Variants in CDH23 observed in about 807,000 individuals in gnomAD.
CDH23 encodes cadherin-23.
CDH23 carries 189 observed loss-of-function variants against 317.1 expected under a neutral mutation model. The ratio of observed to expected loss-of-function variants is 0.60; its 90% CI spans 0.53 to 0.67. The LOEUF (loss-of-function observed/expected upper bound fraction) is 0.67. Among genes scored for constraint, CDH23 ranks in the 30% least tolerant of loss-of-function variants. The probability of loss-of-function intolerance (pLI) is 0.00; values close to 1 mark genes in which losing one functional copy is unlikely to be tolerated. For synonymous variants in CDH23, 1,839 were observed against 1,876.8 expected (o/e 0.98, Z 0.52); for missense variants, 4,401 against 4,592.4 (o/e 0.96, Z 1.20).
intron 28 of CDH23, chr10:71,713,201 G>A (rs370181056): frequency 1.3e-6 from 1 of 779,266 alleles, no homozygotes; most frequent in South Asian, 1.3e-5. Context: ...CTTTCACAGA[G>A]CCCTTGGCCG....
At chr10:71,507,226 GT>G (rs1327614143) in intron 3 of CDH23, among the ~76,000 whole-genome samples, 3 of 152,170 alleles carry the variant, frequency 2.0e-5, no homozygotes, top group Non-Finnish European at 4.4e-5. Context: ...ATGGGCCTCA[GT>G]TTCCCCATCT....
At chr10:71,465,645 T>A (rs1334037169) in intron 3 of CDH23, among the ~76,000 whole-genome samples, 1 of 152,244 alleles carries the variant, frequency 6.6e-6, no homozygotes, top group Non-Finnish European at 1.5e-5. Flanking sequence ...GCTGTTTACC[T>A]GACGCTGTTC....
At chr10:71,719,126 T>C (rs554990572) in intron 28 of CDH23, among the ~76,000 whole-genome samples, 1 of 152,090 alleles carries the variant, frequency 6.6e-6, no homozygotes, top group African/African-American at 2.4e-5. Flanking sequence ...AATTAGCATC[T>C]GAGTAGTTCC....
At chr10:71,435,867 C>T (rs1230062977) in intron 1 of CDH23, among the ~76,000 whole-genome samples, 1 of 152,252 alleles carries the variant, frequency 6.6e-6, no homozygotes, top group Non-Finnish European at 1.5e-5. Context: ...GGAATGCCAG[C>T]AGGCAAAGCA....
At chr10:71,602,193 T>C (rs1489059956) in intron 9 of CDH23, among the ~76,000 whole-genome samples, 2 of 148,844 alleles carry the variant, frequency 1.3e-5, no homozygotes, top group Admixed American at 1.3e-4. Flanking sequence ...GATTTGAAAG[T>C]CATTCACTCT....
chr10:71,716,469 C>T (rs1866247165), intron 28 of CDH23: 3 of 708,186 alleles, frequency 4.2e-6, no homozygotes, highest in South Asian at 2.0e-5. Context: ...GCATCATGGC[C>T]ACATCACAGG....
intron 51 of CDH23, 39 bp from the exon 52 acceptor site, chr10:71,799,453 A>T: frequency 6.2e-7 from 1 of 1,613,562 alleles, no homozygotes; most frequent in Non-Finnish European, 8.5e-7. Context: ...TCTGGGACTG[A>T]CCTTGGCCTA....
chr10:71,494,368 G>A (rs965384339), intron 3 of CDH23, among the ~76,000 whole-genome samples: 6 of 152,140 alleles, frequency 3.9e-5, no homozygotes, highest in African/African-American at 1.4e-4. Context: ...CTCCAGCAGA[G>A]GGAAGGCCTT....
In CDH23 at chr10:71,515,038, C is replaced by T. The variant is rs139230862; in HGVS notation, c.429+3826C>T. Among the ~76,000 whole-genome samples the T allele has an allele frequency of 5.6e-3, 859 of 152,336 alleles. 10 individuals are homozygous for T. Among genetic ancestry groups the T allele is most frequent in the African/African-American group, 0.02 (811 of 41,580 alleles). On this transcript the variant is annotated intron_variant, in intron 6 of 69. Transcript: ENST00000224721. Reference sequence around the variant, plus strand: ...CCTGCTCCTCCCAGGGCCACCCCCTCAGCCCTCCAGTGTGCCCCAGGGAGG... The same window carrying T: ...CCTGCTCCTCCCAGGGCCACCCCCTTAGCCCTCCAGTGTGCCCCAGGGAGG...
At chr10:71,488,707 C>T (rs1435957502) in intron 3 of CDH23, among the ~76,000 whole-genome samples, 1 of 152,230 alleles carries the variant, frequency 6.6e-6, no homozygotes, top group Non-Finnish European at 1.5e-5. Flanking sequence ...TTAAACGGGA[C>T]ATATGTGCCC....
At chr10:71,796,071 C>T (rs565365631) in intron 48 of CDH23, 3 of 984,162 alleles carry the variant, frequency 3.0e-6, no homozygotes, top group African/African-American at 1.7e-5. Context: ...GAGGAGGAGG[C>T]GGCCCAGGGT....
At chr10:71,567,616 G>T (rs576136855) in intron 7 of CDH23, among the ~76,000 whole-genome samples, 1 of 152,362 alleles carries the variant, frequency 6.6e-6, no homozygotes, top group South Asian at 2.1e-4. Flanking sequence ...TCAGTCCAGT[G>T]CCCTGACCAC....
chr10:71,778,417 G>A, intron 40 of CDH23, 109 bp downstream of exon 40: 6 of 1,403,474 alleles, frequency 4.3e-6, no homozygotes, highest in Non-Finnish European at 5.8e-6. Flanking sequence ...TGAGGGAAAT[G>A]CCTAAATCCA....
intron 38 of CDH23, among the ~76,000 whole-genome samples, chr10:71,766,646 G>C (rs1272744625): frequency 6.6e-6 from 1 of 152,206 alleles, no homozygotes; most frequent in African/African-American, 2.4e-5. Context: ...CTAGGCTCTT[G>C]CTGAGCATCT....
intron 9 of CDH23, among the ~76,000 whole-genome samples, chr10:71,600,385 TAG>T (rs995471732): frequency 6.6e-6 from 1 of 152,024 alleles, no homozygotes; most frequent in African/African-American, 2.4e-5. Context: ...TCAAATAAGT[TAG>T]AGAGACACTG....
chr10:71,781,799 A>G (rs1840962972), intron 41 of CDH23, among the ~76,000 whole-genome samples: 3 of 152,236 alleles, frequency 2.0e-5, no homozygotes, highest in South Asian at 2.1e-4. Flanking sequence ...TTAGAGCCCA[A>G]AGATAACTTT....
intron 38 of CDH23, among the ~76,000 whole-genome samples, chr10:71,766,807 G>A (rs1467958351): frequency 2.0e-5 from 3 of 152,146 alleles, no homozygotes; most frequent in Non-Finnish European, 4.4e-5. Flanking sequence ...GGACAGGCCA[G>A]CACTGCAGAC....
Position 71,504,297 on chromosome 10 carries a change from A to C in CDH23, c.146-5785A>C, listed in dbSNP as rs74841485. Among the ~76,000 whole-genome samples, 608 of 152,282 alleles carry C rather than the reference A, an allele frequency of 4.0e-3. 3 individuals carry two copies. Among genetic ancestry groups the C allele is most frequent in the South Asian group, 0.015 (73 of 4,828 alleles). ...CTAGGTACCTTATATCAGGGAGATC[A>C]CATTGTACTGTATTTGTCTTTCTGG... On this transcript the variant is annotated intron_variant, in intron 3 of 69. Coordinates refer to ENST00000224721, the MANE Select transcript of CDH23 (RefSeq NM_022124.6).
At chr10:71,663,568 T>C (rs1461700520) in intron 14 of CDH23, among the ~76,000 whole-genome samples, 2 of 152,246 alleles carry the variant, frequency 1.3e-5, no homozygotes, top group African/African-American at 2.4e-5. Context: ...GGGTCTTTTT[T>C]CTTGCCCCGT....
Sources: allele counts gnomAD v4.1 joint callset (sites outside exome capture counted in the v4.1 genomes callset), GRCh38; gene constraint gnomAD v4.1.1; transcripts MANE v1.5; gene names NCBI Gene and HGNC (gene_info 2026-07-23, HGNC 2026-07-21).